ZCCHC14: variants seen among roughly 807,000 people sequenced by gnomAD.
ZCCHC14 encodes the protein zinc finger CCHC-type containing 14, also known as zinc finger CCHC domain-containing protein 14.
Under a neutral mutation model 85.0 loss-of-function variants are expected in ZCCHC14, and 16 were observed. The observed-to-expected ratio is 0.19, with a 90% CI of 0.13 to 0.29. The LOEUF (loss-of-function observed/expected upper bound fraction) is 0.29. Ranked by LOEUF, ZCCHC14 falls within the 10% of genes least tolerant of loss-of-function variation. The pLI, the probability that ZCCHC14 is intolerant of heterozygous loss-of-function variation, is 1.00. For missense variants in ZCCHC14, 1,303 were observed against 1,443.5 expected, an observed-to-expected ratio of 0.90 and a Z score of 1.58; for synonymous variants, 775 against 630.7, an observed-to-expected ratio of 1.23 and a Z score of -3.43.
chr16:87,447,497 T>G (rs1910499944), intron 2 of ZCCHC14, among the ~76,000 whole-genome samples: 1 of 152,218 alleles, frequency 6.6e-6, no homozygotes, highest in Non-Finnish European at 1.5e-5. Context: ...CTGCTTTCAT[T>G]CAACATTGTA....
Position 87,417,891 on chromosome 16 carries a change from G to C in ZCCHC14, c.1101-149C>G, listed in dbSNP as rs192763065. ...CAGGCCACCCTGAACTGCCAACACT[G>C]CTGTGCTATGACTGCCCTCCCTCCC... On this transcript the variant is annotated intron_variant, in intron 7 of 12. Coordinates refer to ENST00000671377, the MANE Select transcript of ZCCHC14 (RefSeq NM_015144.3). 3.4e-5 allele frequency: 32 copies of C among 930,126 alleles called. No individual in the cohort carries two copies. In the African/African-American group the frequency reaches 5.0e-4, roughly 15 times the overall value. The allele number at this position is 930,126 out of a possible 1,614,324, so 57.6% of individuals were successfully genotyped here. A position where few individuals can be genotyped will look rare whatever the true frequency, so the allele number is the denominator to read the frequency against.
intron 2 of ZCCHC14, among the ~76,000 whole-genome samples, chr16:87,452,066 C>T (rs188881086): frequency 6.6e-5 from 10 of 152,314 alleles, no homozygotes; most frequent in Admixed American, 2.6e-4. Context: ...CGTGCAGTGA[C>T]GCAGTGTGTA....
chr16:87,441,630 A>G (rs772535877), intron 2 of ZCCHC14, among the ~76,000 whole-genome samples: 2 of 152,226 alleles, frequency 1.3e-5, no homozygotes. Flanking sequence ...AAATAAAATT[A>G]GGGGCTTTAT....
At position 87,420,212 on chromosome 16, in the gene ZCCHC14, G is replaced by C. The variant is rs540343085; in HGVS notation, c.951-335C>G. On this transcript the variant is annotated intron_variant, in intron 5 of 12. Coordinates refer to ENST00000671377, the MANE Select transcript of ZCCHC14 (RefSeq NM_015144.3). The surrounding 1 kb of genome is among the most constrained non-coding windows in gnomAD (Gnocchi z 5.0). ...CGGCAGCAGCACATTTACGGAACTG[G>C]TCGGCCATGTTACTTCGTGTGCCAC... is the stretch of plus-strand genomic sequence containing the variant. Among the ~76,000 whole-genome samples, 2 of 152,342 alleles carry C rather than the reference G, an allele frequency of 1.3e-5. No homozygotes were observed. Among genetic ancestry groups the C allele is most frequent in the South Asian group, 4.1e-4 (2 of 4,826 alleles).
intron 7 of ZCCHC14, 64 bp downstream of exon 7, chr16:87,418,782 GA>G: frequency 6.7e-7 from 1 of 1,489,748 alleles, no homozygotes; most frequent in Non-Finnish European, 9.3e-7. Context: ...ACTTTACACA[GA>G]ACTCAAAGTA....
intron 1 of ZCCHC14, among the ~76,000 whole-genome samples, chr16:87,488,666 C>T (rs1912619267): frequency 6.6e-6 from 1 of 152,224 alleles, no homozygotes; most frequent in South Asian, 2.1e-4. Flanking sequence ...CAGCCTCTAC[C>T]TCCTGGGATC....
chr16:87,417,366 C>A, intron 8 of ZCCHC14, 94 bp downstream of exon 8: 1 of 1,531,096 alleles, frequency 6.5e-7, no homozygotes, highest in African/African-American at 1.4e-5. Context: ...CGTACTTCAT[C>A]CACCTTGTGT....
intron 2 of ZCCHC14, among the ~76,000 whole-genome samples, chr16:87,453,998 T>G (rs78732443): frequency 6.6e-6 from 1 of 151,994 alleles, no homozygotes; most frequent in African/African-American, 2.4e-5. Context: ...ATTCTGAAAC[T>G]AAAAATACAA....
Position 87,412,709 on chromosome 16 carries a change from A to C in ZCCHC14, c.2012T>G (p.Leu671Trp). The C allele has an allele frequency of 6.2e-7, 1 of 1,614,230 alleles. No homozygotes were observed. The highest frequency in any genetic ancestry group is 8.5e-7 in the Non-Finnish European group (1 of 1,180,036). The part of the protein sequence containing the change: ...KLLSSSVHSL[L>W]SLEERNKGSG... ...TCCTTTATTCCTTTCTTCTAGAGACAAAAGTGAGTGCACAGAAGACGAGAG... is the reference window on the plus strand; with the variant it reads ...TCCTTTATTCCTTTCTTCTAGAGACCAAAGTGAGTGCACAGAAGACGAGAG... Residue 671 changes from leucine to tryptophan, a missense_variant, in exon 12 of 13, where the codon TTG becomes TGG. Leu to Trp is a moderately conservative substitution (Grantham distance 61). Coordinates refer to ENST00000671377, the MANE Select transcript of ZCCHC14 (RefSeq NM_015144.3).
In ZCCHC14 at chr16:87,406,602, C is replaced by T. The variant is rs78333183; in HGVS notation, c.*3678G>A. 17 of 152,408 alleles carry T rather than the reference C, an allele frequency of 1.1e-4. No individual in the cohort carries two copies. The highest frequency in any genetic ancestry group is 3.9e-4 in the African/African-American group (16 of 41,506). 9.4% of individuals were successfully genotyped at this position (152,408 alleles called of 1,614,324 possible). A position where few individuals can be genotyped will look rare whatever the true frequency, so the allele number is the denominator to read the frequency against. On this transcript the variant is annotated 3_prime_UTR_variant, in exon 13 of 13. Coordinates refer to ENST00000671377, the MANE Select transcript of ZCCHC14 (RefSeq NM_015144.3). The stretch of plus-strand genomic sequence containing the variant: ...TACCAAAGCCTTCTCTTTTTGTGCA[C>T]GTAAGACTCACACATGTGATGAGGG...
intron 1 of ZCCHC14, among the ~76,000 whole-genome samples, chr16:87,464,465 G>A (rs1396626130): frequency 2.0e-5 from 3 of 152,158 alleles, no homozygotes; most frequent in Admixed American, 2.0e-4. Context: ...AGGACAAAGA[G>A]GAGACCCAGA....
chr16:87,481,547 G>A (rs1912275666), intron 1 of ZCCHC14, among the ~76,000 whole-genome samples: 1 of 61,018 alleles, frequency 1.6e-5, no homozygotes, highest in Non-Finnish European at 3.9e-5. Context: ...GGGGGTGGGG[G>A]GGGGGAAGGG....
intron 1 of ZCCHC14, among the ~76,000 whole-genome samples, chr16:87,483,700 TA>T (rs1041830531): frequency 6.6e-6 from 1 of 152,168 alleles, no homozygotes; most frequent in African/African-American, 2.4e-5. Flanking sequence ...CTGGGCTCGT[TA>T]AAGGTTAGGG....
chr16:87,479,099 A>G (rs903421785), intron 1 of ZCCHC14, among the ~76,000 whole-genome samples: 1 of 152,086 alleles, frequency 6.6e-6, no homozygotes, highest in African/African-American at 2.4e-5. Context: ...CTATATATAC[A>G]TGTTTTAATT....
chr16:87,434,684 C>T (rs117410004), intron 2 of ZCCHC14, among the ~76,000 whole-genome samples: 3,502 of 152,272 alleles, frequency 0.023, 78 homozygotes, highest in Middle Eastern at 0.088. Flanking sequence ...CTCAAAAAAC[C>T]GTATGGCCAA....
chr16:87,438,337 T>C (rs1361191183), intron 2 of ZCCHC14, among the ~76,000 whole-genome samples: 7 of 152,268 alleles, frequency 4.6e-5, no homozygotes, highest in African/African-American at 1.4e-4. Context: ...AAGAATGATA[T>C]TATGAAACTC....
chr16:87,487,569 T>A (rs1417249495), intron 1 of ZCCHC14, among the ~76,000 whole-genome samples: 1 of 152,162 alleles, frequency 6.6e-6, no homozygotes, highest in East Asian at 1.9e-4. Context: ...CACCTAGCAA[T>A]CCACCAGGTG....
Position 87,410,629 on chromosome 16 carries a change from C to T in ZCCHC14, c.3206-294G>A, listed in dbSNP as rs917216482. 2.6e-5 allele frequency among the ~76,000 whole-genome samples: 4 copies of T among 152,226 alleles called. No homozygotes were observed. In the East Asian group the frequency reaches 5.8e-4, roughly 22 times the overall value. ...ACGTCAGGCGGGCTGCTCTAACATG[C>T]GTCCTTTCACTGGGTGAGGGCAGGT... On this transcript the variant is annotated intron_variant, in intron 12 of 12. Coordinates refer to ENST00000671377, the MANE Select transcript of ZCCHC14 (RefSeq NM_015144.3).
At chr16:87,489,685 G>A (rs1189821535) in intron 1 of ZCCHC14, among the ~76,000 whole-genome samples, 5 of 152,158 alleles carry the variant, frequency 3.3e-5, no homozygotes, top group South Asian at 2.1e-4. Flanking sequence ...GGGGTGTAGC[G>A]GGGGAGGTGC....
Sources: gnomAD v4.1 joint callset for allele counts (sites outside exome capture counted in the v4.1 genomes callset) on GRCh38, gnomAD v4.1.1 for gene constraint, Gnocchi (gnomAD v3.1) non-coding constraint, MANE v1.5 for transcripts, NCBI Gene and HGNC (gene_info 2026-07-23, HGNC 2026-07-21) for gene names.